The following BMP2K variants were observed in gnomAD, a reference collection of about 807,000 sequenced individuals.
BMP2K encodes the protein BMP-2-inducible protein kinase.
A neutral mutation model predicts 116.0 loss-of-function variants in BMP2K; 74 were observed. That is an observed-to-expected ratio of 0.64 (90% confidence interval 0.53 to 0.77). BMP2K has a LOEUF of 0.77. Among genes scored for constraint, BMP2K ranks in the 30% least tolerant of loss-of-function variants. The probability of loss-of-function intolerance (pLI) is 0.00; values close to 1 mark genes in which losing one functional copy is unlikely to be tolerated. For synonymous variants in BMP2K, 486 were observed against 502.5 expected, an observed-to-expected ratio of 0.97 and a Z score of 0.44; for missense variants, 1,365 against 1,403.6, an observed-to-expected ratio of 0.97 and a Z score of 0.44.
chr4:78,789,464 T>G (rs886383295), intron 1 of BMP2K, among the ~76,000 whole-genome samples: 3 of 152,184 alleles, frequency 2.0e-5, no homozygotes, highest in Admixed American at 6.5e-5. Flanking sequence ...GTCCTTTGAT[T>G]GGGGTGGGGA....
intron 15 of BMP2K, among the ~76,000 whole-genome samples, chr4:78,901,429 T>C (rs1734001004): frequency 6.6e-6 from 1 of 152,122 alleles, no homozygotes; most frequent in Non-Finnish European, 1.5e-5. Context: ...ATTGAAAGGA[T>C]TAAATGAGTT....
intron 15 of BMP2K, among the ~76,000 whole-genome samples, chr4:78,903,081 A>G (rs1734096668): frequency 6.6e-6 from 1 of 151,882 alleles, no homozygotes; most frequent in Admixed American, 6.6e-5. Flanking sequence ...GATGTCTGAA[A>G]TTTTCCCACC....
chr4:78,884,887 T>C (rs1007608437), intron 14 of BMP2K, among the ~76,000 whole-genome samples: 3 of 152,212 alleles, frequency 2.0e-5, no homozygotes, highest in Non-Finnish European at 4.4e-5. Context: ...TTCAACCTTT[T>C]GCAGAAAGAT....
Position 78,910,916 on chromosome 4 carries a change from A to C in BMP2K, c.2369A>C (p.Asp790Ala), listed in dbSNP as rs1734556837. ...CTGGGTCATAGGCCTCTCCTCATGG[A>C]TTCTGAAGATGAGGAAGAAGAGGAG... ...ENLGHRPLLM[D>A]SEDEEEEEKH... The change falls in exon 16 of 16, where the codon GAT becomes GCT. Residue 790 changes from aspartate to alanine, a missense_variant. This residue lies in a region of BMP2K where 596 missense variants were observed against 623.2 expected (regional missense o/e 0.96). Transcript: ENST00000502613. The C allele has an allele frequency of 6.2e-7, 1 of 1,613,958 alleles. No individual in the cohort carries two copies. Among genetic ancestry groups the C allele is most frequent in the Non-Finnish European group, 8.5e-7 (1 of 1,179,850 alleles).
At chr4:78,833,299 TTC>T (rs2110010892) in intron 2 of BMP2K, among the ~76,000 whole-genome samples, 2 of 152,244 alleles carry the variant, frequency 1.3e-5, no homozygotes, top group African/African-American at 4.8e-5. Flanking sequence ...TATTCTCAAG[TTC>T]TTTGTACACT....
intron 15 of BMP2K, among the ~76,000 whole-genome samples, chr4:78,909,644 G>A (rs190967222): frequency 4.9e-4 from 75 of 152,194 alleles, no homozygotes; most frequent in African/African-American, 1.7e-3. Flanking sequence ...TCCTTTGCAT[G>A]GCTGGGCTCC....
At chr4:78,810,226 C>G (rs1729018505) in intron 1 of BMP2K, among the ~76,000 whole-genome samples, 1 of 152,182 alleles carries the variant, frequency 6.6e-6, no homozygotes, top group Non-Finnish European at 1.5e-5. Context: ...CAGTTTATAG[C>G]TCCTCGTGAG....
At chr4:78,847,395 G>A (rs1356299396) in intron 6 of BMP2K, 126 bp downstream of exon 6, 1 of 454,624 alleles carries the variant, frequency 2.2e-6, no homozygotes, top group Non-Finnish European at 3.7e-6. Context: ...GTACAGTAGA[G>A]CTTCTTACTT....
intron 15 of BMP2K, among the ~76,000 whole-genome samples, chr4:78,900,882 A>G (rs1352378405): frequency 6.6e-6 from 1 of 152,222 alleles, no homozygotes; most frequent in Non-Finnish European, 1.5e-5. Flanking sequence ...ACAAGTTGAT[A>G]TTTTAATTAT....
At chr4:78,836,711 T>G (rs1317602323) in intron 3 of BMP2K, among the ~76,000 whole-genome samples, 1 of 152,228 alleles carries the variant, frequency 6.6e-6, no homozygotes, top group Non-Finnish European at 1.5e-5. Flanking sequence ...CTTGCATATA[T>G]AAACATATTT....
rs1437660228 is a variant in BMP2K, at chr4:78,870,470, T to C, written c.1232-313T>C. The stretch of plus-strand genomic sequence containing the variant: ...TTATATTGGTACTAATACATACTCA[T>C]GATAGTACATGATATTGTTGAGCAG... On this transcript the variant is annotated intron_variant, in intron 10 of 15. Transcript: ENST00000502613. 2.6e-5 allele frequency among the ~76,000 whole-genome samples: 4 copies of C among 152,206 alleles called. No homozygotes were observed. In the East Asian group the frequency reaches 7.7e-4, roughly 29 times the overall value.
chr4:78,888,552 T>C (rs1180265949), intron 15 of BMP2K, among the ~76,000 whole-genome samples: 1 of 152,200 alleles, frequency 6.6e-6, no homozygotes, highest in Non-Finnish European at 1.5e-5. Context: ...ATACAACTAC[T>C]TCTCTGATGT....
intron 3 of BMP2K, among the ~76,000 whole-genome samples, chr4:78,838,610 C>G (rs1401734187): frequency 6.6e-6 from 1 of 152,180 alleles, no homozygotes; most frequent in Non-Finnish European, 1.5e-5. Flanking sequence ...CTTACTTCCT[C>G]TGTAACAGCT....
At chr4:78,802,157 G>A (rs978719011) in intron 1 of BMP2K, among the ~76,000 whole-genome samples, 2 of 152,098 alleles carry the variant, frequency 1.3e-5, no homozygotes, top group South Asian at 2.1e-4. Flanking sequence ...TGCCTTCTTC[G>A]TTTTGCTGTT....
chr4:78,864,937 CTG>C (rs1731970667), intron 9 of BMP2K, among the ~76,000 whole-genome samples: 1 of 152,158 alleles, frequency 6.6e-6, no homozygotes, highest in South Asian at 2.1e-4. Flanking sequence ...GATTTCAAAA[CTG>C]TGTTTACTGC....
chr4:78,887,547 TG>T (rs1733164880), intron 15 of BMP2K, among the ~76,000 whole-genome samples: 1 of 152,198 alleles, frequency 6.6e-6, no homozygotes, highest in South Asian at 2.1e-4. Flanking sequence ...TGGATACTGT[TG>T]AAAAAAATAT....
intron 13 of BMP2K, among the ~76,000 whole-genome samples, chr4:78,876,465 C>G (rs114694590): frequency 1.3e-5 from 2 of 152,176 alleles, no homozygotes; most frequent in Non-Finnish European, 2.9e-5. Flanking sequence ...TTATTTTCCT[C>G]TGTTATATGC....
intron 9 of BMP2K, among the ~76,000 whole-genome samples, chr4:78,865,035 G>A: frequency 6.6e-6 from 1 of 152,176 alleles, no homozygotes; most frequent in East Asian, 1.9e-4. Flanking sequence ...GTAAAGCAAA[G>A]TTAAAGATTC....
At chr4:78,888,403 A>G (rs199563443) in intron 15 of BMP2K, among the ~76,000 whole-genome samples, 2 of 152,346 alleles carry the variant, frequency 1.3e-5, no homozygotes, top group East Asian at 3.9e-4. Context: ...AACTCAAAAT[A>G]GTCATTGTAA....
Sources: allele counts gnomAD v4.1 joint callset (sites outside exome capture counted in the v4.1 genomes callset), GRCh38; gene constraint gnomAD v4.1.1; regional missense constraint gnomAD v4.1.1; transcripts MANE v1.5; gene names NCBI Gene and HGNC (gene_info 2026-07-23, HGNC 2026-07-21).